Variants in KIAA1549L observed in about 807,000 individuals in gnomAD.
The protein encoded by KIAA1549L is KIAA1549 like, also known as UPF0606 protein KIAA1549L.
Under a neutral mutation model 160.7 loss-of-function variants are expected in KIAA1549L, and 88 were observed. The ratio of observed to expected loss-of-function variants is 0.55; its 90% confidence interval spans 0.46 to 0.65. KIAA1549L has a LOEUF of 0.65. Ranked by LOEUF, KIAA1549L falls within the 30% of genes least tolerant of loss-of-function variation. KIAA1549L has a pLI of 0.00. For missense variants in KIAA1549L, 2,258 were observed against 2,437.5 expected, an observed-to-expected ratio of 0.93 and a Z score of 1.55; for synonymous variants, 950 against 976.7, an observed-to-expected ratio of 0.97 and a Z score of 0.51.
intron 1 of KIAA1549L, among the ~76,000 whole-genome samples, chr11:33,495,452 G>A (rs1470995635): frequency 6.6e-6 from 1 of 151,970 alleles, no homozygotes; most frequent in African/African-American, 2.4e-5. Flanking sequence ...CAAAGGACAT[G>A]AACTCATCAT....
In KIAA1549L at chr11:33,476,810, C is replaced by T. The variant is rs116976036; in HGVS notation, c.239-64992C>T. 5.5e-3 allele frequency among the ~76,000 whole-genome samples: 844 copies of T among 152,326 alleles called. 6 individuals are homozygous for T. Among genetic ancestry groups the T allele is most frequent in the Middle Eastern group, 0.054 (16 of 294 alleles). On this transcript the variant is annotated intron_variant, in intron 1 of 20. Transcript: ENST00000658780. ...ACTCTCCTAACGTCACACTGAAACACGTTACCCTGTCTTATCTTTGCTTTT... is the reference window on the plus strand; with the variant it reads ...ACTCTCCTAACGTCACACTGAAACATGTTACCCTGTCTTATCTTTGCTTTT...
rs1851919654 is a variant in KIAA1549L, at chr11:33,460,407, A to G, written c.239-81395A>G. On this transcript the variant is annotated intron_variant, in intron 1 of 20. Coordinates refer to ENST00000658780, the MANE Select transcript of KIAA1549L (RefSeq NM_012194.3). ...CCAAGTCTGCTGCCTGGTGTGAGGA[A>G]GGGGTTGTGGATGAAACAATTCTCT... Among the ~76,000 whole-genome samples, 4 of 152,202 alleles carry G rather than the reference A, an allele frequency of 2.6e-5. No individual in the cohort carries two copies. The South Asian group carries it at 8.3e-4, about 32-fold the overall frequency.
chr11:33,586,973 A>AC (rs1849898599), intron 11 of KIAA1549L, among the ~76,000 whole-genome samples: 1 of 152,188 alleles, frequency 6.6e-6, no homozygotes, highest in African/African-American at 2.4e-5. Context: ...ATTTAACTTT[A>AC]TATGTTCAGC....
chr11:33,534,368 C>T (rs1453003707), intron 1 of KIAA1549L, among the ~76,000 whole-genome samples: 1 of 151,860 alleles, frequency 6.6e-6, no homozygotes, highest in Non-Finnish European at 1.5e-5. Context: ...GCTGAGATTA[C>T]AGGCATGAGC....
chr11:33,379,132 C>T (rs1227859336), intron 1 of KIAA1549L, among the ~76,000 whole-genome samples: 1 of 152,224 alleles, frequency 6.6e-6, no homozygotes, highest in Admixed American at 6.5e-5. Flanking sequence ...ATTTACATGG[C>T]TGCTCTCCCT....
At chr11:33,529,660 T>C (rs898965107) in intron 1 of KIAA1549L, among the ~76,000 whole-genome samples, 2 of 152,208 alleles carry the variant, frequency 1.3e-5, no homozygotes, top group Admixed American at 6.5e-5. Context: ...CATGCTAAAC[T>C]GTGACACTTG....
intron 1 of KIAA1549L, among the ~76,000 whole-genome samples, chr11:33,539,709 G>T (rs1329445752): frequency 6.6e-6 from 1 of 152,134 alleles, no homozygotes; most frequent in Non-Finnish European, 1.5e-5. Context: ...TCTTCCTCCA[G>T]CACTTAAATG....
At chr11:33,614,629 G>C (rs1043519082) in intron 15 of KIAA1549L, among the ~76,000 whole-genome samples, 1 of 112,804 alleles carries the variant, frequency 8.9e-6, no homozygotes, top group Non-Finnish European at 1.8e-5. Flanking sequence ...GTAGGGGCTG[G>C]GGGAGATGGA....
At chr11:33,617,055 C>CCTAATCCAAGG (rs1850830108) in intron 15 of KIAA1549L, among the ~76,000 whole-genome samples, 1 of 150,566 alleles carries the variant, frequency 6.6e-6, no homozygotes, top group South Asian at 2.1e-4. Flanking sequence ...ATGGAAGGAT[C>CCTAATCCAAGG]ACCTAATCCA....
Position 33,673,325 on chromosome 11 carries a change from GGA to G in KIAA1549L, c.*5177_*5178del, listed in dbSNP as rs1852716215. The G allele has an allele frequency of 6.6e-6, 1 of 152,114 alleles. No individual in the cohort carries two copies. 9.4% of individuals were successfully genotyped at this position (152,114 alleles called of 1,614,324 possible). ...CTTTGGTCAGACTTTTGCAAATTAT[GGA>G]GAGAGGCCATCAACATATTTTACAT... On this transcript the variant is annotated 3_prime_UTR_variant, in exon 21 of 21. Coordinates refer to ENST00000658780, the MANE Select transcript of KIAA1549L (RefSeq NM_012194.3).
At chr11:33,626,164 C>T (rs1398420392) in intron 16 of KIAA1549L, among the ~76,000 whole-genome samples, 2 of 146,720 alleles carry the variant, frequency 1.4e-5, no homozygotes, top group Non-Finnish European at 3.0e-5. Flanking sequence ...TTACTGTAGC[C>T]TTGTAGTATA....
At chr11:33,595,409 G>C (rs1850171732) in intron 12 of KIAA1549L, among the ~76,000 whole-genome samples, 1 of 151,804 alleles carries the variant, frequency 6.6e-6, no homozygotes, top group Non-Finnish European at 1.5e-5. Context: ...GTATTTTTTT[G>C]GTAGAGATGG....
intron 1 of KIAA1549L, among the ~76,000 whole-genome samples, chr11:33,511,067 G>A (rs918911310): frequency 5.9e-5 from 9 of 152,206 alleles, no homozygotes; most frequent in African/African-American, 9.6e-5. Flanking sequence ...TTTCCATGGC[G>A]TCAGTACAGC....
chr11:33,655,711 C>A (rs1050791147), intron 17 of KIAA1549L, among the ~76,000 whole-genome samples: 11 of 152,014 alleles, frequency 7.2e-5, no homozygotes, highest in Admixed American at 6.5e-4. Flanking sequence ...AAGCGTGAAG[C>A]CCTGGGAAGA....
At chr11:33,466,754 G>A (rs1186074581) in intron 1 of KIAA1549L, among the ~76,000 whole-genome samples, 2 of 152,310 alleles carry the variant, frequency 1.3e-5, no homozygotes, top group East Asian at 3.9e-4. Context: ...TAAAGAAAAT[G>A]TGGCACATAT....
chr11:33,520,739 A>ACACACACACACT (rs1853468906), intron 1 of KIAA1549L, among the ~76,000 whole-genome samples: 1 of 72,722 alleles, frequency 1.4e-5, no homozygotes, highest in South Asian at 4.8e-4. Flanking sequence ...ACACACACAC[A>ACACACACACACT]CTCCCTCTCT....
intron 1 of KIAA1549L, among the ~76,000 whole-genome samples, chr11:33,531,756 C>T (rs1401401436): frequency 2.0e-5 from 3 of 152,168 alleles, no homozygotes; most frequent in Non-Finnish European, 4.4e-5. Flanking sequence ...AACTTCAGCA[C>T]TTAGGGCCGT....
intron 1 of KIAA1549L, among the ~76,000 whole-genome samples, chr11:33,481,778 A>G (rs1174309272): frequency 6.6e-6 from 1 of 152,230 alleles, no homozygotes; most frequent in African/African-American, 2.4e-5. Context: ...GTCTCACTCT[A>G]GAAAGTGTTC....
chr11:33,440,890 T>C (rs1185379544), intron 1 of KIAA1549L, among the ~76,000 whole-genome samples: 1 of 152,170 alleles, frequency 6.6e-6, no homozygotes, highest in Non-Finnish European at 1.5e-5. Flanking sequence ...TTACTGGATG[T>C]ATTATTCTAG....
Sources: gnomAD v4.1 joint callset for allele counts (sites outside exome capture counted in the v4.1 genomes callset) on GRCh38, gnomAD v4.1.1 for gene constraint, MANE v1.5 for transcripts, NCBI Gene and HGNC (gene_info 2026-07-23, HGNC 2026-07-21) for gene names.